The following RARRES1 variants were observed in gnomAD, a reference collection of about 807,000 sequenced individuals.
The protein encoded by RARRES1 is retinoic acid receptor responder 1, also known as retinoic acid receptor responder protein 1.
A neutral mutation model predicts 30.6 loss-of-function variants in RARRES1; 34 were observed. The observed-to-expected ratio is 1.11, with a 90% confidence interval of 0.84 to 1.48. RARRES1 has a LOEUF of 1.48. Ranked by LOEUF, RARRES1 falls within the 40% of genes most tolerant of loss-of-function variation. The pLI is 0.00. For missense variants in RARRES1, 373 were observed against 386.5 expected (o/e 0.97, Z 0.29); for synonymous variants, 153 against 155.5 (o/e 0.98, Z 0.12).
intron 3 of RARRES1, among the ~76,000 whole-genome samples, chr3:158,707,164 AAAAC>A (rs139080381): frequency 0.18 from 27,926 of 151,798 alleles, 2,581 homozygotes; most frequent in Non-Finnish European, 0.22. Context: ...CTGTCTCAAA[AAAAC>A]AAACAAACAA....
intron 2 of RARRES1, among the ~76,000 whole-genome samples, chr3:158,711,140 T>G (rs752658524): frequency 1.3e-5 from 2 of 152,144 alleles, no homozygotes; most frequent in Non-Finnish European, 2.9e-5. Flanking sequence ...GTCTTCTGAT[T>G]GTGACTTTAT....
At chr3:158,729,636 T>C (rs912105676) in intron 1 of RARRES1, among the ~76,000 whole-genome samples, 1 of 151,960 alleles carries the variant, frequency 6.6e-6, no homozygotes, top group African/African-American at 2.4e-5. Context: ...GTATTTTTAG[T>C]AGAGAAGGGG....
At chr3:158,725,627 TAAA>T in intron 1 of RARRES1, among the ~76,000 whole-genome samples, 1 of 150,230 alleles carries the variant, frequency 6.7e-6, no homozygotes, top group Middle Eastern at 3.4e-3. Context: ...CGTGGGCTGG[TAAA>T]AAAAAAATTG....
At chr3:158,711,691 G>A (rs1727142512) in intron 2 of RARRES1, among the ~76,000 whole-genome samples, 1 of 151,040 alleles carries the variant, frequency 6.6e-6, no homozygotes, top group Non-Finnish European at 1.5e-5. Flanking sequence ...TGCCTCCTGG[G>A]TTCACGCGAT....
At chr3:158,718,920 C>G (rs1727410749) in intron 1 of RARRES1, among the ~76,000 whole-genome samples, 1 of 152,178 alleles carries the variant, frequency 6.6e-6, no homozygotes, top group South Asian at 2.1e-4. Flanking sequence ...ACCAACAATT[C>G]TAGCTTTCCT....
chr3:158,697,899 A>T lies in RARRES1; in HGVS notation c.735+9T>A. 1.9e-6 allele frequency: 3 copies of T among 1,557,912 alleles called. No individual in the cohort carries two copies. The highest frequency in any genetic ancestry group is 2.7e-6 in the Non-Finnish European group (3 of 1,130,344). ...TAAAAACAATTCTACATACAATGTT[A>T]TGTTTTACCTGTGTTGATAATTCAT... On this transcript the variant is annotated intron_variant, in intron 5 of 5. Coordinates refer to ENST00000237696, the MANE Select transcript of RARRES1 (RefSeq NM_206963.2).
At chr3:158,701,274 T>C (rs1726713707) in intron 4 of RARRES1, among the ~76,000 whole-genome samples, 1 of 152,176 alleles carries the variant, frequency 6.6e-6, no homozygotes, top group African/African-American at 2.4e-5. Context: ...CCTCATAGTA[T>C]TGGGAATGAC....
intron 4 of RARRES1, among the ~76,000 whole-genome samples, chr3:158,699,517 G>A (rs893212469): frequency 2.0e-5 from 3 of 151,306 alleles, no homozygotes; most frequent in African/African-American, 7.3e-5. Context: ...GCCAGTAGGT[G>A]AAGTCTGGAG....
Position 158,697,522 on chromosome 3 carries a change from CAAA to C in RARRES1, c.*153_*155del, listed in dbSNP as rs1017234813. ...TTAAAAGCTAAAGCAGACTGAGAAA[CAAA>C]AAACCAACATCTTTGCATTTCTGAG... On this transcript the variant is annotated 3_prime_UTR_variant, in exon 6 of 6. Coordinates refer to ENST00000237696, the MANE Select transcript of RARRES1 (RefSeq NM_206963.2). 18 of 836,006 alleles carry C rather than the reference CAAA, an allele frequency of 2.2e-5. No individual in the cohort carries two copies. The African/African-American group carries it at 3.1e-4, about 14-fold the overall frequency. 51.8% of individuals were successfully genotyped at this position (836,006 alleles called of 1,614,324 possible). A position where few individuals can be genotyped will look rare whatever the true frequency, so the allele number is the denominator to read the frequency against.
chr3:158,706,980 A>T (rs1023198361), intron 3 of RARRES1, among the ~76,000 whole-genome samples: 1 of 152,070 alleles, frequency 6.6e-6, no homozygotes, highest in African/African-American at 2.4e-5. Context: ...ACCAGCCTGG[A>T]CAACATGGTG....
intron 1 of RARRES1, among the ~76,000 whole-genome samples, chr3:158,727,122 G>A (rs771665792): frequency 1.3e-5 from 2 of 152,176 alleles, no homozygotes; most frequent in African/African-American, 2.4e-5. Flanking sequence ...GCAAAACCAT[G>A]AGCCAATCAA....
At chr3:158,709,590 CATTTAG>C (rs1156538656) in intron 3 of RARRES1, among the ~76,000 whole-genome samples, 3 of 152,116 alleles carry the variant, frequency 2.0e-5, no homozygotes, top group African/African-American at 4.8e-5. Context: ...TTTTTAAGGA[CATTTAG>C]TCTCAGTAAA....
intron 1 of RARRES1, among the ~76,000 whole-genome samples, chr3:158,719,561 T>C (rs1727433915): frequency 2.6e-5 from 4 of 152,126 alleles, no homozygotes; most frequent in Admixed American, 2.6e-4. Context: ...CTTGAGCCAC[T>C]GCACCCGGCC....
chr3:158,719,632 GCAGTCC>G (rs1727436692), intron 1 of RARRES1, among the ~76,000 whole-genome samples: 3 of 151,940 alleles, frequency 2.0e-5, no homozygotes, highest in Admixed American at 2.0e-4. Flanking sequence ...GTGAAAAGAG[GCAGTCC>G]CATCCCCTTC....
intron 4 of RARRES1, among the ~76,000 whole-genome samples, chr3:158,700,223 GTA>G (rs201043411): frequency 0.015 from 2,199 of 147,268 alleles, 48 homozygotes; most frequent in African/African-American, 0.047. Context: ...GTGTGTGTGT[GTA>G]TATATATATA....
At chr3:158,725,088 T>C (rs1727642029) in intron 1 of RARRES1, among the ~76,000 whole-genome samples, 2 of 152,168 alleles carry the variant, frequency 1.3e-5, no homozygotes, top group South Asian at 4.1e-4. Context: ...CCTCCCAAAG[T>C]GCTGGGATTA....
intron 3 of RARRES1, among the ~76,000 whole-genome samples, chr3:158,710,364 C>T (rs1299403415): frequency 3.9e-5 from 6 of 152,096 alleles, no homozygotes; most frequent in African/African-American, 7.2e-5. Context: ...CCCACCACCA[C>T]GCCTGGCTAA....
intron 4 of RARRES1, 53 bp downstream of exon 4, chr3:158,704,738 A>G (rs748119939): frequency 2.1e-5 from 33 of 1,591,756 alleles, no homozygotes; most frequent in South Asian, 4.6e-5. Flanking sequence ...GTCTAAGGAG[A>G]CCACTTTGAT....
intron 4 of RARRES1, 90 bp downstream of exon 4, chr3:158,704,701 A>G (rs1315309396): frequency 1.3e-5 from 20 of 1,489,260 alleles, no homozygotes; most frequent in Non-Finnish European, 1.8e-5. Context: ...AACTCTTGAT[A>G]TGAAATTAGA....
Sources: gnomAD v4.1 joint callset for allele counts (sites outside exome capture counted in the v4.1 genomes callset) on GRCh38, gnomAD v4.1.1 for gene constraint, MANE v1.5 for transcripts, NCBI Gene and HGNC (gene_info 2026-07-23, HGNC 2026-07-21) for gene names.